Variants in CRACD observed in about 807,000 individuals in gnomAD.
CRACD encodes the protein capping protein-inhibiting regulator of actin dynamics.
A neutral mutation model predicts 106.8 loss-of-function variants in CRACD; 56 were observed. That is an observed-to-expected ratio of 0.52 (90% CI 0.42 to 0.66). CRACD has a LOEUF of 0.66. Among genes scored for constraint, CRACD ranks in the 30% least tolerant of loss-of-function variants. The pLI is 0.00. For missense variants in CRACD, 1,730 were observed against 1,623.2 expected (o/e 1.07, Z -1.13); for synonymous variants, 754 against 670.8 (o/e 1.12, Z -1.92).
chr4:56,168,910 C>T (rs1736252088), intron 1 of CRACD, among the ~76,000 whole-genome samples: 1 of 152,096 alleles, frequency 6.6e-6, no homozygotes, highest in Non-Finnish European at 1.5e-5. Context: ...GCCTGAGAAC[C>T]TAATGACCGT....
intron 2 of CRACD, among the ~76,000 whole-genome samples, chr4:56,232,714 T>TTATG (rs1387149085): frequency 6.7e-6 from 1 of 149,522 alleles, no homozygotes; most frequent in Non-Finnish European, 1.5e-5. Context: ...ATTTATTTAT[T>TTATG]TATTTATTTA....
At chr4:56,256,895 G>C (rs1471543235) in intron 2 of CRACD, among the ~76,000 whole-genome samples, 1 of 152,154 alleles carries the variant, frequency 6.6e-6, no homozygotes, top group African/African-American at 2.4e-5. Flanking sequence ...GTGGGGGTCA[G>C]TCATACCTCA....
intron 1 of CRACD, among the ~76,000 whole-genome samples, chr4:56,127,030 C>T (rs890922925): frequency 6.6e-6 from 1 of 152,088 alleles, no homozygotes; most frequent in Non-Finnish European, 1.5e-5. Context: ...GGAGATGGGG[C>T]CTTTTTGGGA....
intron 1 of CRACD, among the ~76,000 whole-genome samples, chr4:56,084,772 A>C (rs7681714): frequency 0.37 from 56,486 of 152,022 alleles, 12,220 homozygotes; most frequent in African/African-American, 0.61. Context: ...CAAAGTAGAG[A>C]GCTAACATGG....
intron 1 of CRACD, among the ~76,000 whole-genome samples, chr4:56,066,289 T>TA (rs1354898828): frequency 6.6e-6 from 1 of 152,200 alleles, no homozygotes; most frequent in Non-Finnish European, 1.5e-5. Context: ...ACTGTATTAT[T>TA]ACTTCTCTTT....
At chr4:56,081,290 C>T (rs1460351479) in intron 1 of CRACD, among the ~76,000 whole-genome samples, 1 of 152,138 alleles carries the variant, frequency 6.6e-6, no homozygotes, top group African/African-American at 2.4e-5. Context: ...GCAGCTGTAC[C>T]ATATGACACC....
chr4:56,313,859 C>A (rs1347796541), intron 7 of CRACD, among the ~76,000 whole-genome samples, 181 bp from the exon 8 acceptor site: 1 of 152,024 alleles, frequency 6.6e-6, no homozygotes, highest in Non-Finnish European at 1.5e-5. Flanking sequence ...TTTCTCCATT[C>A]GCACGACAGA....
chr4:56,087,256 GCCCA>G (rs1733260592), intron 1 of CRACD, among the ~76,000 whole-genome samples: 1 of 152,026 alleles, frequency 6.6e-6, no homozygotes, highest in South Asian at 2.1e-4. Context: ...CAGACGATCC[GCCCA>G]CCTGGGCCTC....
intron 2 of CRACD, among the ~76,000 whole-genome samples, chr4:56,256,935 A>C (rs1741391147): frequency 6.6e-6 from 1 of 152,194 alleles, no homozygotes; most frequent in Admixed American, 6.5e-5. Flanking sequence ...GAATTCAGGC[A>C]CAACTGACCA....
intron 4 of CRACD, among the ~76,000 whole-genome samples, chr4:56,306,998 G>A (rs1037276944): frequency 2.6e-5 from 4 of 152,202 alleles, no homozygotes; most frequent in African/African-American, 7.2e-5. Context: ...TTCTGGTTTG[G>A]GGTCTCAAGC....
intron 1 of CRACD, among the ~76,000 whole-genome samples, chr4:56,104,701 C>G (rs1470141695): frequency 6.6e-6 from 1 of 152,180 alleles, no homozygotes; most frequent in Non-Finnish European, 1.5e-5. Context: ...GGCGCCGTGG[C>G]TCACGCCTGT....
At chr4:56,213,748 T>A (rs1285060336) in intron 2 of CRACD, among the ~76,000 whole-genome samples, 2 of 152,222 alleles carry the variant, frequency 1.3e-5, no homozygotes, top group East Asian at 1.9e-4. Flanking sequence ...GTTGGTCACC[T>A]TTGATTGGCC....
At chr4:56,122,226 G>A (rs1222065694) in intron 1 of CRACD, among the ~76,000 whole-genome samples, 10 of 148,882 alleles carry the variant, frequency 6.7e-5, no homozygotes, top group Admixed American at 3.4e-4. Flanking sequence ...GGAGATTAGC[G>A]ATACTAAATT....
intron 1 of CRACD, among the ~76,000 whole-genome samples, chr4:56,135,221 G>A (rs1208842407): frequency 6.6e-6 from 1 of 152,190 alleles, no homozygotes; most frequent in Non-Finnish European, 1.5e-5. Flanking sequence ...GGAGGTGGAG[G>A]TTGCAGTGAG....
rs75751972 is a variant in CRACD, at chr4:56,130,493, T to G, written c.-335-48791T>G. ...AACCCTCTTAAAATTACCCTAAATC[T>G]TTTAAGATCAAAACTCAGTGTAACC... On this transcript the variant is annotated intron_variant, in intron 1 of 10. Coordinates refer to ENST00000682029, the MANE Select transcript of CRACD (RefSeq NM_001393381.1). Among the ~76,000 whole-genome samples, 657 of 152,274 alleles carry G rather than the reference T, an allele frequency of 4.3e-3. 7 individuals carry two copies. The highest frequency in any genetic ancestry group is 0.015 in the African/African-American group (615 of 41,562).
Position 56,315,015 on chromosome 4 carries a change from G to A in CRACD, c.1513G>A (p.Val505Met), listed in dbSNP as rs201814296. 3 of 1,591,100 alleles carry A rather than the reference G, an allele frequency of 1.9e-6. No individual in the cohort carries two copies. Among genetic ancestry groups the A allele is most frequent in the Non-Finnish European group, 2.6e-6 (3 of 1,170,134 alleles). Residue 505 changes from valine (V) to methionine (M), a missense_variant, in exon 8 of 11, where the codon GTG becomes ATG. Coordinates refer to ENST00000682029, the MANE Select transcript of CRACD (RefSeq NM_001393381.1). The surrounding 1 kb of genome is among the most constrained non-coding windows in gnomAD (Gnocchi z 4.1). ...EGPVEAAQPP[V>M]ERKEAAALEQ... ...GCCGGTGGAAGCCGCGCAGCCTCCG[G>A]TGGAGAGGAAAGAAGCCGCCGCCCT...
intron 1 of CRACD, among the ~76,000 whole-genome samples, chr4:56,145,936 C>CT (rs982390636): frequency 2.6e-5 from 4 of 151,872 alleles, no homozygotes; most frequent in East Asian, 3.9e-4. Flanking sequence ...TTTTTTCTTA[C>CT]TTTTTTTTGG....
chr4:56,143,064 C>G (rs555243160), intron 1 of CRACD, among the ~76,000 whole-genome samples: 2 of 151,450 alleles, frequency 1.3e-5, no homozygotes, highest in Non-Finnish European at 2.9e-5. Flanking sequence ...ACTATAATAT[C>G]TAATTCTAGA....
intron 3 of CRACD, among the ~76,000 whole-genome samples, chr4:56,284,476 A>G (rs374820832): frequency 2.6e-5 from 4 of 151,788 alleles, no homozygotes; most frequent in Admixed American, 6.6e-5. Flanking sequence ...TGTAATCCCA[A>G]CACTTTGGGA....
Sources: gnomAD v4.1 joint callset for allele counts (sites outside exome capture counted in the v4.1 genomes callset) on GRCh38, gnomAD v4.1.1 for gene constraint, Gnocchi (gnomAD v3.1) non-coding constraint, MANE v1.5 for transcripts, NCBI Gene and HGNC (gene_info 2026-07-23, HGNC 2026-07-21) for gene names.